The following KCNAB1 variants were observed in gnomAD, a reference collection of about 807,000 sequenced individuals.
KCNAB1 encodes voltage-gated potassium channel subunit beta-1.
In KCNAB1, 35 loss-of-function variants were observed where a neutral mutation model predicts 64.6. That is an observed-to-expected ratio of 0.54 (90% CI 0.41 to 0.72). KCNAB1 has a LOEUF of 0.72. Among genes scored for constraint, KCNAB1 ranks in the 30% least tolerant of loss-of-function variants. The probability of loss-of-function intolerance (pLI) is 0.00; values close to 1 mark genes in which losing one functional copy is unlikely to be tolerated. For synonymous variants in KCNAB1, 177 were observed against 183.8 expected, an observed-to-expected ratio of 0.96 and a Z score of 0.30; for missense variants, 401 against 512.9, an observed-to-expected ratio of 0.78 and a Z score of 2.11.
chr3:156,178,842 A>T lies in KCNAB1; in HGVS notation c.275+57956A>T, dbSNP rs184092863. On this transcript the variant is annotated intron_variant, in intron 1 of 13. Coordinates refer to ENST00000490337, the MANE Select transcript of KCNAB1 (RefSeq NM_172160.3). Reference sequence around the variant, plus strand: ...CGGTGAAACCCCGTTTCTACTAAAAATACAAAAAATTAGCCGGGCGTGTTG... The same window carrying T: ...CGGTGAAACCCCGTTTCTACTAAAATTACAAAAAATTAGCCGGGCGTGTTG... Among the ~76,000 whole-genome samples, 467 of 152,050 alleles carry T rather than the reference A, an allele frequency of 3.1e-3. 2 individuals carry two copies. The highest frequency in any genetic ancestry group is 0.011 in the African/African-American group (436 of 41,434).
At chr3:156,524,846 A>G (rs1718206713) in intron 12 of KCNAB1, among the ~76,000 whole-genome samples, 1 of 151,864 alleles carries the variant, frequency 6.6e-6, no homozygotes, top group African/African-American at 2.4e-5. Flanking sequence ...TGGGTGTCTC[A>G]GTCAACGACG....
intron 1 of KCNAB1, among the ~76,000 whole-genome samples, chr3:156,241,119 G>C (rs1313506206): frequency 6.6e-6 from 1 of 152,198 alleles, no homozygotes; most frequent in Non-Finnish European, 1.5e-5. Flanking sequence ...GCCTTCTGAA[G>C]CTTTTGTGAA....
intron 1 of KCNAB1, among the ~76,000 whole-genome samples, chr3:156,292,871 C>A (rs1162927231): frequency 2.0e-5 from 3 of 152,212 alleles, no homozygotes. Flanking sequence ...ACCAAGTTAA[C>A]AAATGCTATA....
At chr3:156,417,719 G>GAAAA (rs200175870) in intron 1 of KCNAB1, among the ~76,000 whole-genome samples, 1,963 of 130,258 alleles carry the variant, frequency 0.015, 21 homozygotes, top group South Asian at 0.037. Context: ...TGCCTTAAAA[G>GAAAA]AAAAAAAAAA....
chr3:156,190,217 A>G (rs1381749139), intron 1 of KCNAB1, among the ~76,000 whole-genome samples: 1 of 152,142 alleles, frequency 6.6e-6, no homozygotes, highest in East Asian at 1.9e-4. Flanking sequence ...CTGCTCCCCC[A>G]GTGCCCAGGC....
At chr3:156,353,595 G>A (rs988540872) in intron 1 of KCNAB1, among the ~76,000 whole-genome samples, 3 of 152,210 alleles carry the variant, frequency 2.0e-5, no homozygotes, top group Non-Finnish European at 4.4e-5. Flanking sequence ...TAAGGTGTTG[G>A]CCTGAGCTGA....
rs191664282 is a variant in KCNAB1 at position 156,497,560 on chromosome 3, A to C, written c.659-16804A>C. On this transcript the variant is annotated intron_variant, in intron 8 of 13. Coordinates refer to ENST00000490337, the MANE Select transcript of KCNAB1 (RefSeq NM_172160.3). ...AGACAGGATAATAGAATAAGAAGTT[A>C]TGTGTCAAGATTCCACATCCGTCTG... Among the ~76,000 whole-genome samples, 921 of 152,340 alleles carry C rather than the reference A, an allele frequency of 6.0e-3. 8 individuals are homozygous for C. The highest frequency in any genetic ancestry group is 0.021 in the African/African-American group (882 of 41,572).
At chr3:156,432,136 T>C (rs1010386861) in intron 2 of KCNAB1, among the ~76,000 whole-genome samples, 5 of 152,172 alleles carry the variant, frequency 3.3e-5, no homozygotes, top group Admixed American at 3.3e-4. Flanking sequence ...AGAAAACATA[T>C]TCCTGGATCT....
chr3:156,524,773 A>G lies in KCNAB1; in HGVS notation c.1081+826A>G, dbSNP rs1270289026. On this transcript the variant is annotated intron_variant, in intron 12 of 13. Coordinates refer to ENST00000490337, the MANE Select transcript of KCNAB1 (RefSeq NM_172160.3). ...AAAAAAAAAAAAAAAAAAAAAAAAAAAAAGAAAACCCCAAACCACATCCAC... is the reference window on the plus strand; with the variant it reads ...AAAAAAAAAAAAAAAAAAAAAAAAAGAAAGAAAACCCCAAACCACATCCAC... Among the ~76,000 whole-genome samples, 52 of 130,498 alleles carry G rather than the reference A, an allele frequency of 4.0e-4. No homozygotes were observed. The East Asian group carries it at 8.5e-3, about 21-fold the overall frequency. 85.6% of individuals were successfully genotyped at this position (130,498 alleles called of 152,430 possible). A position where few individuals can be genotyped will look rare whatever the true frequency, so the allele number is the denominator to read the frequency against.
chr3:156,533,725 T>C (rs1377164229), intron 13 of KCNAB1, among the ~76,000 whole-genome samples: 1 of 151,938 alleles, frequency 6.6e-6, no homozygotes, highest in Non-Finnish European at 1.5e-5. Flanking sequence ...AATGGATGGA[T>C]TCTGCAGGTT....
At chr3:156,187,926 T>A (rs1713306563) in intron 1 of KCNAB1, among the ~76,000 whole-genome samples, 1 of 152,212 alleles carries the variant, frequency 6.6e-6, no homozygotes, top group African/African-American at 2.4e-5. Flanking sequence ...TTCACTCCTT[T>A]GTACTTCACA....
Position 156,515,216 on chromosome 3 carries a change from A to C in KCNAB1, c.861A>C (p.Lys287Asn). The C allele has an allele frequency of 6.2e-7, 1 of 1,607,258 alleles. No homozygotes were observed. Among genetic ancestry groups the C allele is most frequent in the Non-Finnish European group, 8.5e-7 (1 of 1,177,948 alleles). ...VEVQLPELYHKIGVGAMTWSP... is the reference protein window; with the variant it reads ...VEVQLPELYHNIGVGAMTWSP... Reference sequence around the variant, plus strand: ...TCCAGCTGCCAGAGCTCTACCACAAAATAGGTAATCTTCAAAATAAAAGCT... The same window carrying C: ...TCCAGCTGCCAGAGCTCTACCACAACATAGGTAATCTTCAAAATAAAAGCT... The change falls in exon 10 of 14, where the codon AAA becomes AAC. Residue 287 changes from lysine to asparagine, a missense_variant. By Grantham distance (94) the Lys-to-Asn change is moderately conservative. Coordinates refer to ENST00000490337, the MANE Select transcript of KCNAB1 (RefSeq NM_172160.3).
At chr3:156,302,408 A>T (rs1015662854) in intron 1 of KCNAB1, among the ~76,000 whole-genome samples, 1 of 152,134 alleles carries the variant, frequency 6.6e-6, no homozygotes, top group African/African-American at 2.4e-5. Context: ...AAAAAATGTT[A>T]TATGGGAGAG....
chr3:156,226,772 T>G (rs2108427247), intron 1 of KCNAB1, among the ~76,000 whole-genome samples: 1 of 152,322 alleles, frequency 6.6e-6, no homozygotes, highest in Non-Finnish European at 1.5e-5. Flanking sequence ...GGGGATCCTT[T>G]TATTCCAGTT....
At chr3:156,151,581 C>T (rs982978660) in intron 1 of KCNAB1, among the ~76,000 whole-genome samples, 1 of 152,098 alleles carries the variant, frequency 6.6e-6, no homozygotes, top group Non-Finnish European at 1.5e-5. Context: ...ACATTTTGCC[C>T]CATTTGCTTT....
At chr3:156,268,151 C>T (rs1481005311) in intron 1 of KCNAB1, among the ~76,000 whole-genome samples, 1 of 151,800 alleles carries the variant, frequency 6.6e-6, no homozygotes, top group Non-Finnish European at 1.5e-5. Flanking sequence ...TCTTCCTGTG[C>T]CTGGTTTATT....
intron 1 of KCNAB1, among the ~76,000 whole-genome samples, chr3:156,235,940 A>C (rs1716824140): frequency 6.6e-6 from 1 of 152,212 alleles, no homozygotes; most frequent in Admixed American, 6.5e-5. Flanking sequence ...CTAAAGTTTT[A>C]GGGCTACCAG....
chr3:156,152,811 C>A (rs983262292), intron 1 of KCNAB1, among the ~76,000 whole-genome samples: 7 of 152,214 alleles, frequency 4.6e-5, no homozygotes, highest in Non-Finnish European at 8.8e-5. Context: ...GGTTTCAAAA[C>A]AGAGCTATGA....
At chr3:156,147,307 C>A (rs1457147371) in intron 1 of KCNAB1, among the ~76,000 whole-genome samples, 1 of 152,204 alleles carries the variant, frequency 6.6e-6, no homozygotes, top group Non-Finnish European at 1.5e-5. Context: ...TTTTGAGGTT[C>A]TTCTTTGTGT....
Sources: allele counts gnomAD v4.1 joint callset (sites outside exome capture counted in the v4.1 genomes callset), GRCh38; gene constraint gnomAD v4.1.1; transcripts MANE v1.5; gene names NCBI Gene and HGNC (gene_info 2026-07-23, HGNC 2026-07-21).